LAMA5: variants seen among roughly 807,000 people sequenced by gnomAD.
The protein encoded by LAMA5 is laminin subunit alpha-5.
Under a neutral mutation model 433.4 loss-of-function variants are expected in LAMA5, and 260 were observed. The observed-to-expected ratio is 0.60, with a 90% CI of 0.54 to 0.66. LAMA5 has a LOEUF of 0.66. Among genes scored for constraint, LAMA5 ranks in the 30% least tolerant of loss-of-function variants. The pLI, the probability that LAMA5 is intolerant of heterozygous loss-of-function variation, is 0.00. For synonymous variants in LAMA5, 2,620 were observed against 2,226.6 expected (o/e 1.18, Z -4.97); for missense variants, 5,378 against 5,258.5 (o/e 1.02, Z -0.70).
intron 35 of LAMA5, 101 bp from the exon 36 acceptor site, chr20:62,328,111 T>A: frequency 6.5e-7 from 1 of 1,536,508 alleles, no homozygotes; most frequent in Non-Finnish European, 8.8e-7. Flanking sequence ...CTCCCAGAAG[T>A]GGAGGAGAGG....
chr20:62,313,131 C>T lies in LAMA5; in HGVS notation c.8912G>A (p.Arg2971Gln), dbSNP rs200879732. ...GAGCACCCCGCTGTAGGACACGAGC[C>T]GCAGCTCCTGCTCGAAGCGCTTGGT... is the stretch of plus-strand genomic sequence containing the variant. ...STTKRFEQELRLVSYSGVLFF... is the reference protein window; with the variant it reads ...STTKRFEQELQLVSYSGVLFF... Residue 2971 changes from arginine (R) to glutamine (Q), a missense_variant, in exon 65 of 80, where the codon CGG (arginine) becomes CAG (glutamine). Transcript: ENST00000252999. The T allele has an allele frequency of 2.5e-5, 40 of 1,608,818 alleles. No individual in the cohort carries two copies. Among genetic ancestry groups the T allele is most frequent in the East Asian group, 1.6e-4 (7 of 44,844 alleles).
Position 62,324,057 on chromosome 20 carries a change from G to A in LAMA5, c.5768+23C>T, listed in dbSNP as rs369310270. 3.2e-5 allele frequency: 48 copies of A among 1,491,618 alleles called. No individual in the cohort carries two copies. Among genetic ancestry groups the A allele is most frequent in the African/African-American group, 1.8e-4 (13 of 70,830 alleles). 92.4% of individuals were successfully genotyped at this position (1,491,618 alleles called of 1,614,324 possible). A position where few individuals can be genotyped will look rare whatever the true frequency, so the allele number is the denominator to read the frequency against. On this transcript the variant is annotated intron_variant, in intron 43 of 79. Coordinates refer to ENST00000252999, the MANE Select transcript of LAMA5 (RefSeq NM_005560.6). The surrounding 1 kb of genome is among the most constrained non-coding windows in gnomAD (Gnocchi z 4.4). Reference sequence around the variant, plus strand: ...GGGAGCCTGGCACCATCAGGGCCTCGTCCCGGGAGGAGGCTGGCTTACTTG... The same window carrying A: ...GGGAGCCTGGCACCATCAGGGCCTCATCCCGGGAGGAGGCTGGCTTACTTG...
Position 62,335,258 on chromosome 20 carries a change from C to T in LAMA5, c.2335G>A (p.Asp779Asn), listed in dbSNP as rs769508079. Reference protein sequence around the residue: ...NPEGCTRCSCDLRGTLGGVAE... With the variant: ...NPEGCTRCSCNLRGTLGGVAE... ...ACTCCACCCAGTGTGCCCCTGAGGT[C>T]GCAGCTGCAGCCTGGGGAGAGCAGG... Residue 779 changes from aspartate (D) to asparagine (N), a missense_variant, in exon 19 of 80, where the codon GAC becomes AAC. Asp to Asn is a conservative substitution (Grantham distance 23). Transcript: ENST00000252999. 1.9e-6 allele frequency: 3 copies of T among 1,612,372 alleles called. No homozygotes were observed. The highest frequency in any genetic ancestry group is 2.2e-5 in the East Asian group (1 of 44,858).
intron 1 of LAMA5, among the ~76,000 whole-genome samples, chr20:62,365,999 T>A (rs1253323433): frequency 6.6e-6 from 1 of 152,142 alleles, no homozygotes; most frequent in Non-Finnish European, 1.5e-5. Flanking sequence ...AATCTCCAGC[T>A]ACTCGCCCCT....
chr20:62,336,303 GGAACCCC>G, intron 18 of LAMA5, 30 bp downstream of exon 18: 1 of 1,442,378 alleles, frequency 6.9e-7, no homozygotes, highest in Non-Finnish European at 9.5e-7. Flanking sequence ...AGTTCCCCAA[GGAACCCC>G]TGTACCCCAA....
intron 50 of LAMA5, 21 bp from the exon 51 acceptor site, chr20:62,319,816 A>G: frequency 6.6e-7 from 1 of 1,522,120 alleles, no homozygotes; most frequent in East Asian, 2.5e-5. Context: ...AGAGCCCACT[A>G]GCCCACGCTG....
In LAMA5 at chr20:62,325,378, C is replaced by T; in HGVS notation, c.5467G>A (p.Ala1823Thr). The T allele has an allele frequency of 1.9e-6, 3 of 1,609,504 alleles. No individual in the cohort carries two copies. The South Asian group carries it at 3.3e-5, about 18-fold the overall frequency. Residue 1823 changes from alanine (A) to threonine (T), a missense_variant, in exon 41 of 80, where the codon GCC (alanine) becomes ACC (threonine). Physicochemically the swap from Ala to Thr is moderately conservative, Grantham distance 58. Transcript: ENST00000252999. Reference protein sequence around the residue: ...LEVASPAGQGALASNVELCLC... With the variant: ...LEVASPAGQGTLASNVELCLC... ...CACAGCTCCACATTGCTGGCCAGGG[C>T]CCCCTGGCCTGCTGGGCTGGCCACC...
At chr20:62,321,535 T>TGGAGGAAGAG (rs1987768764) in intron 48 of LAMA5, among the ~76,000 whole-genome samples, 1 of 6,270 alleles carries the variant, frequency 1.6e-4, no homozygotes, top group Non-Finnish European at 2.9e-4. Context: ...AGTGAAAGGG[T>TGGAGGAAGAG]GGCGCCAGTG....
Position 62,333,072 on chromosome 20 carries a change from G to A in LAMA5, c.3282+18C>T. ...GTCCTGCAACACCCATTGCTCCGTG[G>A]GGTCCCAGGACACGCACATCACTGC... On this transcript the variant is annotated intron_variant, in intron 26 of 79. Transcript: ENST00000252999. 1 of 1,481,170 alleles carries A rather than the reference G, an allele frequency of 6.8e-7. No homozygotes were observed. The highest frequency in any genetic ancestry group is 8.9e-7 in the Non-Finnish European group (1 of 1,118,038). 91.8% of individuals were successfully genotyped at this position (1,481,170 alleles called of 1,614,324 possible).
chr20:62,322,589 A>C, intron 46 of LAMA5, 69 bp downstream of exon 46: 1 of 1,432,836 alleles, frequency 7.0e-7, no homozygotes, highest in Non-Finnish European at 9.4e-7. Flanking sequence ...CACCTATCAG[A>C]TTCTCCCCAG....
Position 62,312,892 on chromosome 20 carries a change from T to G in LAMA5, c.9074A>C (p.Lys3025Thr). 6.3e-7 allele frequency: 1 copy of G among 1,587,586 alleles called. No individual in the cohort carries two copies. The highest frequency in any genetic ancestry group is 1.1e-5 in the South Asian group (1 of 87,514). Residue 3025 changes from lysine to threonine, a missense_variant, in exon 66 of 80, where the codon AAG (lysine) becomes ACG (threonine). Transcript: ENST00000252999. ...TGGTCCCCACCCTGGCCCTACCGCCTTGCTGGCCGAGGTCAGGGGCGGTGG... is the reference window on the plus strand; with the variant it reads ...TGGTCCCCACCCTGGCCCTACCGCCGTGCTGGCCGAGGTCAGGGGCGGTGG... ...QPPPPLTSAS[K>T]AIQVFLLGGS...
rs1601302621 is a variant in LAMA5, at chr20:62,318,511, G to A, written c.7182C>T (p.Ala2394=). The change falls in exon 53 of 80, where the codon GCC becomes GCT. Residue 2394 remains alanine, a synonymous_variant. Transcript: ENST00000252999. The stretch of plus-strand genomic sequence containing the variant: ...TGTTGAGCTCCTGGGCCTCCCGTGT[G>A]GCGTCCACTGCCCGGTTCAAAGCCT... ...LREALNRAVD[A]TREAQELNSR... is the part of the protein sequence containing the mutation. 4.3e-6 allele frequency: 7 copies of A among 1,609,196 alleles called. No individual in the cohort carries two copies. The highest frequency in any genetic ancestry group is 5.9e-6 in the Non-Finnish European group (7 of 1,178,936).
At position 62,309,732 on chromosome 20, in the gene LAMA5, G is replaced by A; in HGVS notation, c.10932C>T (p.Tyr3644=). The change falls in exon 79 of 80, where the codon TAC becomes TAT. Residue 3644 remains tyrosine (Y), a synonymous_variant. Transcript: ENST00000252999. ...AAAAGAPAPL[Y]LGGLPEPMAV... is the part of the protein sequence containing the mutation. ...CGCACTCACCAGGCAGGCCCCCGAG[G>A]TACAGAGGGGCTGGGGCACCAGCTG... 4 of 1,601,806 alleles carry A rather than the reference G, an allele frequency of 2.5e-6. No individual in the cohort carries two copies. The highest frequency in any genetic ancestry group is 1.7e-4 in the Middle Eastern group (1 of 5,900).
chr20:62,367,181 A>G lies in LAMA5; in HGVS notation c.65T>C (p.Leu22Pro). 3.2e-6 allele frequency: 4 copies of G among 1,233,348 alleles called. No individual in the cohort carries two copies. The highest frequency in any genetic ancestry group is 4.0e-6 in the Non-Finnish European group (4 of 990,992). The allele number at this position is 1,233,348 out of a possible 1,614,324, so 76.4% of individuals were successfully genotyped here. The stretch of plus-strand genomic sequence containing the variant: ...CAGCAGCGCCAGCCCGACCAGCAGC[A>G]GCGGCGCGGGGCCCCGGGGGCCGCG... The part of the protein sequence containing the change: ...CVRGPRGPAP[L>P]LLVGLALLGA... Residue 22 changes from leucine to proline, a missense_variant, in exon 1 of 80, where the codon CTG (leucine) becomes CCG (proline). Physicochemically the swap from Leu to Pro is moderately conservative, Grantham distance 98 (BLOSUM62 -3). Transcript: ENST00000252999.
Position 62,322,371 on chromosome 20 carries a change from G to A in LAMA5, c.6244C>T (p.His2082Tyr). ...CGPAAEGSEC[H>Y]PQSGQCHCRP... ...CAGTGGCACTGTCCGCTCTGGGGGT[G>A]GCACTCGGAGCCCTCGGCGGCCGGT... is the stretch of plus-strand genomic sequence containing the variant. Residue 2082 changes from histidine (H) to tyrosine (Y), a missense_variant, in exon 47 of 80, where the codon CAC becomes TAC. Coordinates refer to ENST00000252999, the MANE Select transcript of LAMA5 (RefSeq NM_005560.6). 6.3e-7 allele frequency: 1 copy of A among 1,591,832 alleles called. No homozygotes were observed. Among genetic ancestry groups the A allele is most frequent in the South Asian group, 1.1e-5 (1 of 88,402 alleles).
rs1401056720 is a variant in LAMA5, at chr20:62,332,599, G to A, written c.3401C>T (p.Ala1134Val). The stretch of plus-strand genomic sequence containing the variant: ...CAGGGAGAGCAGCCCCTGCTGGGGG[G>A]CCCGCTGTGGGGTGTGCACGGCCAC... ...VGVAVHTPQR[A>V]PQQGLLSLHP... The change falls in exon 27 of 80, where the codon GCC (alanine) becomes GTC (valine). Residue 1134 changes from alanine to valine, a missense_variant. Physicochemically the swap from Ala to Val is moderately conservative, Grantham distance 64. Coordinates refer to ENST00000252999, the MANE Select transcript of LAMA5 (RefSeq NM_005560.6). 9.4e-6 allele frequency: 15 copies of A among 1,594,948 alleles called. No individual in the cohort carries two copies. The highest frequency in any genetic ancestry group is 2.2e-5 in the South Asian group (2 of 89,896).
intron 30 of LAMA5, 34 bp downstream of exon 30, chr20:62,330,709 A>G (rs1980208102): frequency 6.4e-7 from 1 of 1,555,214 alleles, no homozygotes; most frequent in Non-Finnish European, 8.7e-7. Context: ...TCCTGCCCTG[A>G]CACCCCCGTC....
intron 18 of LAMA5, among the ~76,000 whole-genome samples, chr20:62,335,862 C>T (rs1386463226): frequency 2.0e-5 from 3 of 147,830 alleles, no homozygotes; most frequent in African/African-American, 7.6e-5. Flanking sequence ...CCCCAGGAAC[C>T]CCTGCACCCC....
At chr20:62,355,006 C>T (rs1984963092) in intron 2 of LAMA5, among the ~76,000 whole-genome samples, 1 of 152,210 alleles carries the variant, frequency 6.6e-6, no homozygotes. Flanking sequence ...ACAGGTGTGG[C>T]CTGCCTGTCC....
Sources: gnomAD v4.1 joint callset for allele counts (sites outside exome capture counted in the v4.1 genomes callset) on GRCh38, gnomAD v4.1.1 for gene constraint, Gnocchi (gnomAD v3.1) non-coding constraint, MANE v1.5 for transcripts, NCBI Gene and HGNC (gene_info 2026-07-23, HGNC 2026-07-21) for gene names.